MTAP: variants seen among roughly 807,000 people sequenced by gnomAD.
MTAP encodes methylthioadenosine phosphorylase.
A neutral mutation model predicts 33.6 loss-of-function variants in MTAP; 33 were observed. That is an observed-to-expected ratio of 0.98 (90% CI 0.74 to 1.31). The LOEUF is 1.31. Ranked by LOEUF, MTAP falls within the 40% of genes most tolerant of loss-of-function variation. The probability of loss-of-function intolerance (pLI) is 0.00; values close to 1 mark genes in which losing one functional copy is unlikely to be tolerated. For missense variants in MTAP, 367 were observed against 360.0 expected (o/e 1.02, Z -0.16); for synonymous variants, 148 against 125.7 (o/e 1.18, Z -1.19).
chr9:21,826,051 G>A (rs979989928), intron 4 of MTAP, among the ~76,000 whole-genome samples: 4 of 151,920 alleles, frequency 2.6e-5, no homozygotes, highest in Non-Finnish European at 2.9e-5. Context: ...CCCCTTATCC[G>A]AGGTATGGTT....
At chr9:21,928,077 A>T (rs79364494) in intron 1 of MTAP, among the ~76,000 whole-genome samples, 1 of 152,326 alleles carries the variant, frequency 6.6e-6, no homozygotes, top group African/African-American at 2.4e-5. Context: ...CTCCCCAGTG[A>T]ACTGCCCTTC....
intron 5 of MTAP, among the ~76,000 whole-genome samples, chr9:21,849,842 A>ATG (rs1340724290): frequency 6.6e-6 from 1 of 152,206 alleles, no homozygotes; most frequent in African/African-American, 2.4e-5. Context: ...GTTGTACCAG[A>ATG]TGTGATTTCA....
chr9:21,909,945 C>G (rs983759548), intron 1 of MTAP, among the ~76,000 whole-genome samples: 6 of 152,148 alleles, frequency 3.9e-5, no homozygotes, highest in African/African-American at 1.4e-4. Flanking sequence ...GTCTTTGATT[C>G]CATGCTGTCT....
downstream of MTAP, among the ~76,000 whole-genome samples, chr9:21,940,751 C>T (rs1819125016): frequency 6.6e-6 from 1 of 152,180 alleles, no homozygotes. Context: ...ATGCCTTCTC[C>T]AGGTGCACCA....
chr9:21,892,682 A>G (rs571091944), intron 1 of MTAP: 2 of 152,366 alleles, frequency 1.3e-5, no homozygotes, highest in African/African-American at 4.8e-5. Flanking sequence ...ATAGTGGGAC[A>G]CTAAAACACC....
intron 4 of MTAP, among the ~76,000 whole-genome samples, chr9:21,824,757 A>G (rs1413161174): frequency 2.0e-5 from 3 of 152,116 alleles, no homozygotes; most frequent in African/African-American, 7.2e-5. Flanking sequence ...ACCCAGTTAG[A>G]GCTTCCCAGC....
At chr9:21,884,570 A>G in intron 1 of MTAP, among the ~76,000 whole-genome samples, 1 of 152,222 alleles carries the variant, frequency 6.6e-6, no homozygotes, top group Non-Finnish European at 1.5e-5. Flanking sequence ...GGGAAGTGCA[A>G]GATAAAGTAT....
At chr9:21,868,752 C>T (rs1825892494), downstream of MTAP, among the ~76,000 whole-genome samples, 1 of 152,166 alleles carries the variant, frequency 6.6e-6, no homozygotes, top group Non-Finnish European at 1.5e-5. Flanking sequence ...TCAAGACCCC[C>T]CTCTGCTGCT....
intron 1 of MTAP, chr9:21,929,693 C>A (rs184279276): frequency 4.2e-6 from 1 of 238,054 alleles, no homozygotes; most frequent in Non-Finnish European, 8.8e-6. Flanking sequence ...CAACAGGACC[C>A]TAATCTGAAA....
At chr9:21,869,045 G>C (rs1267005352), downstream of MTAP, among the ~76,000 whole-genome samples, 1 of 152,124 alleles carries the variant, frequency 6.6e-6, no homozygotes, top group African/African-American at 2.4e-5. Flanking sequence ...CATCAGTCTA[G>C]TAACTACCCA....
intron 1 of MTAP, chr9:21,811,560 T>C (rs1304090733): frequency 8.2e-6 from 3 of 367,038 alleles, no homozygotes; most frequent in Non-Finnish European, 1.6e-5. Context: ...ATAGAACAGA[T>C]TGTGCGTGAA....
chr9:21,872,662 A>T (rs1355402369), intron 1 of MTAP, among the ~76,000 whole-genome samples: 1 of 152,236 alleles, frequency 6.6e-6, no homozygotes, highest in Non-Finnish European at 1.5e-5. Context: ...TAAAGAAGAA[A>T]AAAGCAAATT....
At chr9:21,911,257 T>G (rs942952474) in intron 1 of MTAP, among the ~76,000 whole-genome samples, 30 of 152,054 alleles carry the variant, frequency 2.0e-4, no homozygotes, top group African/African-American at 7.2e-4. Context: ...AGGAATTGAA[T>G]TCAGCTCTGC....
At chr9:21,815,369 T>G in intron 1 of MTAP, 64 bp from the exon 2 acceptor site, 2 of 1,169,510 alleles carry the variant, frequency 1.7e-6, no homozygotes, top group South Asian at 2.9e-5. Context: ...TGAATTTGCT[T>G]AGAATCTTAT....
downstream of MTAP, among the ~76,000 whole-genome samples, chr9:21,938,201 G>A (rs1354910298): frequency 1.3e-5 from 2 of 151,622 alleles, no homozygotes; most frequent in African/African-American, 2.4e-5. Flanking sequence ...TTGAATCCGG[G>A]AGGCAGAGGT....
chr9:21,808,871 C>G (rs188125590), intron 1 of MTAP: 1 of 152,150 alleles, frequency 6.6e-6, no homozygotes, highest in African/African-American at 2.4e-5. Flanking sequence ...GATTGGGACA[C>G]GGACACATAC....
chr9:21,811,854 A>T (rs1824357956), intron 1 of MTAP: 1 of 442,766 alleles, frequency 2.3e-6, no homozygotes. Flanking sequence ...TTGCCAGTGA[A>T]GGTGGCCGGA....
intron 4 of MTAP, among the ~76,000 whole-genome samples, chr9:21,837,555 A>T (rs1287489147): frequency 6.6e-6 from 1 of 152,178 alleles, no homozygotes; most frequent in African/African-American, 2.4e-5. Flanking sequence ...ATGATTTTCC[A>T]CGTCTGTGAT....
downstream of MTAP, chr9:21,934,256 C>T (rs981198406): frequency 5.9e-5 from 9 of 152,196 alleles, no homozygotes; most frequent in Admixed American, 3.9e-4. The surrounding 1 kb of genome is among the most constrained non-coding windows in gnomAD (Gnocchi z 5.0). Flanking sequence ...GGCCAAGACT[C>T]GGCTATTGTT....
Sources: gnomAD v4.1 joint callset for allele counts (sites outside exome capture counted in the v4.1 genomes callset) on GRCh38, gnomAD v4.1.1 for gene constraint, Gnocchi (gnomAD v3.1) non-coding constraint, MANE v1.5 for transcripts, NCBI Gene and HGNC (gene_info 2026-07-23, HGNC 2026-07-21) for gene names.